Variants in XRRA1 observed in about 807,000 individuals in gnomAD.
The protein encoded by XRRA1 is X-ray radiation resistance associated 1, also known as X-ray radiation resistance-associated protein 1.
A neutral mutation model predicts 80.2 loss-of-function variants in XRRA1; 69 were observed. That is an observed-to-expected ratio of 0.86 (90% CI 0.71 to 1.05). XRRA1 has a LOEUF of 1.05. Ranked by LOEUF, XRRA1 falls within the 50% of genes least tolerant of loss-of-function variation. The pLI is 0.00. For synonymous variants in XRRA1, 348 were observed against 389.9 expected (o/e 0.89, Z 1.27); for missense variants, 967 against 976.4 (o/e 0.99, Z 0.13).
chr11:74,894,114 A>G (rs1286934518), intron 10 of XRRA1, among the ~76,000 whole-genome samples: 1 of 152,208 alleles, frequency 6.6e-6, no homozygotes, highest in African/African-American at 2.4e-5. Flanking sequence ...CTTTGCAGAA[A>G]CACAGATGAG....
At position 74,906,460 on chromosome 11, in the gene XRRA1, C is replaced by T. The variant is rs548201915; in HGVS notation, c.786-4G>A. 1.2e-6 allele frequency: 2 copies of T among 1,613,506 alleles called. No individual in the cohort carries two copies. Among genetic ancestry groups the T allele is most frequent in the South Asian group, 1.1e-5 (1 of 91,024 alleles). ...ATCCAAGCTTAACTTCTTCAGTCTT[C>T]AATTAAGGAAAGTGAATATAGAATC... On this transcript the variant is annotated splice_polypyrimidine_tract_variant and splice_region_variant and intron_variant, in intron 9 of 18. Transcript: ENST00000684022.
chr11:74,930,151 T>C (rs1943175335), intron 6 of XRRA1, 149 bp downstream of exon 6: 2 of 690,918 alleles, frequency 2.9e-6, no homozygotes, highest in African/African-American at 1.8e-5. Flanking sequence ...GGAATCGAGG[T>C]CTTTGTGCTC....
intron 10 of XRRA1, among the ~76,000 whole-genome samples, chr11:74,891,275 A>G (rs892770911): frequency 6.6e-6 from 1 of 152,140 alleles, no homozygotes; most frequent in Non-Finnish European, 1.5e-5. Flanking sequence ...ACATAATCCA[A>G]CATATAAACA....
intron 10 of XRRA1, among the ~76,000 whole-genome samples, chr11:74,879,854 G>A (rs2047056546): frequency 6.6e-6 from 1 of 151,624 alleles, no homozygotes; most frequent in Non-Finnish European, 1.5e-5. Flanking sequence ...ATGTGCTGCT[G>A]GATTCGTTTT....
At chr11:74,931,029 A>G (rs1158082825) in intron 5 of XRRA1, among the ~76,000 whole-genome samples, 1 of 151,992 alleles carries the variant, frequency 6.6e-6, no homozygotes, top group Non-Finnish European at 1.5e-5. Context: ...CTGGTCTCGA[A>G]CTGCTGCGCT....
intron 8 of XRRA1, chr11:74,919,511 G>A (rs1253268448): frequency 1.0e-5 from 3 of 295,294 alleles, no homozygotes; most frequent in Non-Finnish European, 2.0e-5. Context: ...ACCTTGAGTG[G>A]GTTTTGTATT....
At chr11:74,909,579 A>C (rs1258309331) in intron 8 of XRRA1, among the ~76,000 whole-genome samples, 1 of 152,196 alleles carries the variant, frequency 6.6e-6, no homozygotes, top group African/African-American at 2.4e-5. Flanking sequence ...TCTCTAAAAT[A>C]GACATCTTAA....
At chr11:74,894,637 G>A (rs747963515) in intron 10 of XRRA1, among the ~76,000 whole-genome samples, 1 of 152,168 alleles carries the variant, frequency 6.6e-6, no homozygotes, top group Non-Finnish European at 1.5e-5. Context: ...TCACTATCAT[G>A]AGAACAACAT....
At chr11:74,866,655 A>T (rs1296323) in intron 10 of XRRA1, among the ~76,000 whole-genome samples, 4 of 45,826 alleles carry the variant, frequency 8.7e-5, no homozygotes, top group Non-Finnish European at 1.2e-4. Context: ...TGAAATAATT[A>T]AAAAAAAAAA....
chr11:74,889,328 A>C (rs1261181091), intron 10 of XRRA1, among the ~76,000 whole-genome samples: 3 of 152,172 alleles, frequency 2.0e-5, no homozygotes, highest in Admixed American at 1.3e-4. Context: ...AAGGAGAAAT[A>C]AAATCCTTTA....
rs369704472 is a variant in XRRA1, at chr11:74,871,231, A to AG, written c.1004-8211dup. On this transcript the variant is annotated intron_variant, in intron 10 of 18. Coordinates refer to ENST00000684022, the MANE Select transcript of XRRA1 (RefSeq NM_001378157.1). ...CTTAGCTTCTCTAGATCCATGCCTG[A>AG]GGGACATGCCTGCATCCAAGAGTAG... Among the ~76,000 whole-genome samples the AG allele has an allele frequency of 5.3e-3, 803 of 152,326 alleles. 5 individuals carry two copies. Among genetic ancestry groups the AG allele is most frequent in the African/African-American group, 0.018 (760 of 41,578 alleles).
rs186136159 is a variant in XRRA1, at chr11:74,848,530, G to A, written c.1381-68C>T. On this transcript the variant is annotated intron_variant, in intron 14 of 18. Coordinates refer to ENST00000684022, the MANE Select transcript of XRRA1 (RefSeq NM_001378157.1). Reference sequence around the variant, plus strand: ...GATTCTCTCCTCCTGGGCCTCACTAGCCTAAGGCCACTTGTATAGCAGCCG... The same window carrying A: ...GATTCTCTCCTCCTGGGCCTCACTAACCTAAGGCCACTTGTATAGCAGCCG... The A allele has an allele frequency of 5.3e-4, 747 of 1,400,832 alleles. 3 individuals carry two copies. In the African/African-American group the frequency reaches 9.8e-3, roughly 18 times the overall value. The allele number at this position is 1,400,832 out of a possible 1,614,324, so 86.8% of individuals were successfully genotyped here. A position where few individuals can be genotyped will look rare whatever the true frequency, so the allele number is the denominator to read the frequency against.
At chr11:74,933,906 C>G in intron 4 of XRRA1, 34 bp from the exon 5 acceptor site, 1 of 1,574,010 alleles carries the variant, frequency 6.4e-7, no homozygotes. Context: ...TCTCTTAAGG[C>G]CCCTACAAAG....
rs193126999 is a variant in XRRA1 at position 74,845,173 on chromosome 11, C to T, written c.1827G>A (p.Gly609=). The T allele has an allele frequency of 8.2e-5, 133 of 1,614,072 alleles. No individual in the cohort carries two copies. In the African/African-American group the frequency reaches 1.7e-3, roughly 21 times the overall value. The part of the protein sequence containing the change: ...KPPTAPREVK[G]TRRKLPTAFL... ...AGGCAGTTGGGAGTTTCCTCCGAGTCCCTTTCACCTCTCTGGGTGCCGTTG... is the reference window on the plus strand; with the variant it reads ...AGGCAGTTGGGAGTTTCCTCCGAGTTCCTTTCACCTCTCTGGGTGCCGTTG... The change falls in exon 16 of 19, where the codon GGG becomes GGA. Residue 609 remains glycine, a synonymous_variant. Transcript: ENST00000684022.
At chr11:74,886,744 A>G (rs2049130939) in intron 10 of XRRA1, among the ~76,000 whole-genome samples, 1 of 152,226 alleles carries the variant, frequency 6.6e-6, no homozygotes, top group Admixed American at 6.5e-5. Flanking sequence ...CTTTAAAAAA[A>G]GCCTGAATAG....
intron 7 of XRRA1, among the ~76,000 whole-genome samples, chr11:74,923,926 T>C (rs1941564021): frequency 6.6e-6 from 1 of 152,118 alleles, no homozygotes; most frequent in South Asian, 2.1e-4. Context: ...TGAACATGGC[T>C]CACTGAAGCC....
chr11:74,843,780 C>A (rs748530580), intron 18 of XRRA1, 74 bp downstream of exon 18: 3 of 1,352,980 alleles, frequency 2.2e-6, no homozygotes. Context: ...TGCACTGACA[C>A]AAGCCCTTTC....
At chr11:74,947,968 G>T (rs1431885284) in intron 1 of XRRA1, among the ~76,000 whole-genome samples, 1 of 151,924 alleles carries the variant, frequency 6.6e-6, no homozygotes, top group Non-Finnish European at 1.5e-5. Flanking sequence ...CAGGTGATCC[G>T]CCTGCCTTGG....
intron 12 of XRRA1, among the ~76,000 whole-genome samples, chr11:74,853,171 A>G (rs914253875): frequency 6.6e-6 from 1 of 152,206 alleles, no homozygotes; most frequent in African/African-American, 2.4e-5. Context: ...TAGATTTACA[A>G]TGTGATAAGT....
Sources: allele counts gnomAD v4.1 joint callset (sites outside exome capture counted in the v4.1 genomes callset), GRCh38; gene constraint gnomAD v4.1.1; transcripts MANE v1.5; gene names NCBI Gene and HGNC (gene_info 2026-07-23, HGNC 2026-07-21).